Variants in BLTP3B observed in about 807,000 individuals in gnomAD.
BLTP3B encodes the protein UHRF1 (ICBP90) binding protein 1-like.
chr12:100,063,357 A>G, the BLTP3B span, among the ~76,000 whole-genome samples: 1 of 152,136 alleles, frequency 6.6e-6, no homozygotes, highest in Non-Finnish European at 1.5e-5. Flanking sequence ...CTAGATCCAG[A>G]AGAGAGATAA....
At chr12:100,140,755 A>T in the BLTP3B span, among the ~76,000 whole-genome samples, 12 of 131,256 alleles carry the variant, frequency 9.1e-5, no homozygotes, top group African/African-American at 2.2e-4. Flanking sequence ...TATATATATA[A>T]AATAAAATAA....
chr12:100,058,181 T>A, the BLTP3B span: 2 of 1,613,264 alleles, frequency 1.2e-6, no homozygotes, highest in South Asian at 1.1e-5. Flanking sequence ...TTAAAGTACT[T>A]GAAAGTATGT....
chr12:100,127,354 G>A, the BLTP3B span, among the ~76,000 whole-genome samples: 1 of 152,204 alleles, frequency 6.6e-6, no homozygotes, highest in East Asian at 1.9e-4. Flanking sequence ...AGGCAAGAAC[G>A]TAAAACAATA....
the BLTP3B span, among the ~76,000 whole-genome samples, chr12:100,048,773 T>A: frequency 7.1e-3 from 338 of 47,774 alleles, 1 homozygote; most frequent in East Asian, 0.044. Flanking sequence ...TGAGAGTGAG[T>A]GTGTGTGTGT....
chr12:100,095,910 G>C, the BLTP3B span: 1 of 1,316,766 alleles, frequency 7.6e-7, no homozygotes, highest in Non-Finnish European at 1.0e-6. Context: ...ATTAAAAAAT[G>C]TTTTCAAAAC....
the BLTP3B span, chr12:100,069,920 T>A: frequency 9.2e-7 from 1 of 1,086,852 alleles, no homozygotes; most frequent in Non-Finnish European, 1.1e-6. Context: ...ACTTGTTCAA[T>A]GATATATTTT....
chr12:100,069,982 TA>T, the BLTP3B span: 25 of 1,211,774 alleles, frequency 2.1e-5, no homozygotes, highest in Non-Finnish European at 2.6e-5. Flanking sequence ...GATTATGCAA[TA>T]ACAGACAATG....
chr12:100,048,993 G>A, the BLTP3B span, among the ~76,000 whole-genome samples: 2 of 152,008 alleles, frequency 1.3e-5, no homozygotes, highest in Non-Finnish European at 2.9e-5. Context: ...CACACTCAGG[G>A]TAACCATTTT....
At chr12:100,121,023 G>A in the BLTP3B span, among the ~76,000 whole-genome samples, 2 of 151,966 alleles carry the variant, frequency 1.3e-5, no homozygotes, top group African/African-American at 2.4e-5. Context: ...AAGAAGCCAG[G>A]AAAAAATGCA....
chr12:100,044,073 CTGTT>C, the BLTP3B span, among the ~76,000 whole-genome samples: 2 of 151,868 alleles, frequency 1.3e-5, no homozygotes, highest in Non-Finnish European at 2.9e-5. Flanking sequence ...GCATTCTTTT[CTGTT>C]TGTTTGTTTT....
chr12:100,107,496 G>A, the BLTP3B span, among the ~76,000 whole-genome samples: 2 of 151,322 alleles, frequency 1.3e-5, no homozygotes, highest in African/African-American at 2.4e-5. Context: ...TTAGCCAGAC[G>A]TGGTGGCACG....
At chr12:100,136,363 G>A in the BLTP3B span, among the ~76,000 whole-genome samples, 85 of 151,308 alleles carry the variant, frequency 5.6e-4, no homozygotes, top group Non-Finnish European at 9.6e-4. Context: ...CACATCACCC[G>A]CAATGCCAGA....
At chr12:100,094,845 G>A in the BLTP3B span, among the ~76,000 whole-genome samples, 2 of 152,148 alleles carry the variant, frequency 1.3e-5, no homozygotes, top group Non-Finnish European at 2.9e-5. Flanking sequence ...GGGCTAAAGG[G>A]AGACTGTTTC....
chr12:100,083,702 A>AT, the BLTP3B span, among the ~76,000 whole-genome samples: 1 of 152,018 alleles, frequency 6.6e-6, no homozygotes, highest in Non-Finnish European at 1.5e-5. Context: ...AAAAAAAAAA[A>AT]AGTAGTAGTA....
At chr12:100,047,828 C>T in the BLTP3B span, 24 of 1,211,348 alleles carry the variant, frequency 2.0e-5, no homozygotes, top group African/African-American at 2.9e-4. Flanking sequence ...AAGACAAAAT[C>T]ATTTTAATAA....
At chr12:100,042,372 T>G in the BLTP3B span, among the ~76,000 whole-genome samples, 1 of 152,004 alleles carries the variant, frequency 6.6e-6, no homozygotes, top group South Asian at 2.1e-4. Context: ...ATGTTCCAAT[T>G]TTAAAACTTA....
chr12:100,057,945 C>A, the BLTP3B span: 1 of 1,448,240 alleles, frequency 6.9e-7, no homozygotes, highest in Non-Finnish European at 9.2e-7. Flanking sequence ...ATGAGCTTTT[C>A]TGCCTCAAAA....
At chr12:100,130,163 T>C in the BLTP3B span, among the ~76,000 whole-genome samples, 1 of 152,336 alleles carries the variant, frequency 6.6e-6, no homozygotes, top group Non-Finnish European at 1.5e-5. Flanking sequence ...TTTCACCATG[T>C]TGGCCAGGCT....
chr12:100,098,670 G>C, the BLTP3B span: 1 of 937,750 alleles, frequency 1.1e-6, no homozygotes, highest in Non-Finnish European at 1.5e-6. Flanking sequence ...GGGAGGCTGA[G>C]GCAGGCAGAT....
Sources: allele counts gnomAD v4.1 joint callset (sites outside exome capture counted in the v4.1 genomes callset), GRCh38; gene constraint gnomAD v4.1.1; transcripts MANE v1.5; gene names NCBI Gene and HGNC (gene_info 2026-07-23, HGNC 2026-07-21).